VRK3: variants seen among roughly 807,000 people sequenced by gnomAD.
VRK3 encodes the protein serine/threonine-protein kinase VRK3.
VRK3 carries 50 observed loss-of-function variants against 60.4 expected under a neutral mutation model. That is an observed-to-expected ratio of 0.83 (90% CI 0.66 to 1.05). The LOEUF (loss-of-function observed/expected upper bound fraction) is 1.05. Among genes scored for constraint, VRK3 ranks in the 50% least tolerant of loss-of-function variants. VRK3 has a pLI of 0.00. For missense variants in VRK3, 549 were observed against 585.3 expected, an observed-to-expected ratio of 0.94 and a Z score of 0.64; for synonymous variants, 246 against 227.8, an observed-to-expected ratio of 1.08 and a Z score of -0.72.
chr19:49,991,563 G>C (rs755026152), intron 10 of VRK3, among the ~76,000 whole-genome samples: 50 of 149,104 alleles, frequency 3.4e-4, no homozygotes, highest in Non-Finnish European at 5.6e-4. Context: ...TGCCAGTTCT[G>C]TTTCTCTGAA....
rs1272245393 is a variant in VRK3, at chr19:49,979,253, G to A, written c.1277-11C>T. 14 of 1,613,930 alleles carry A rather than the reference G, an allele frequency of 8.7e-6. No individual in the cohort carries two copies. Among genetic ancestry groups the A allele is most frequent in the Admixed American group, 1.7e-5 (1 of 59,998 alleles). Reference sequence around the variant, plus strand: ...ACTTCTGCAGGGTCTCTGTGGTCAAGACAACCCCCAGCAAGGGAGAGCCTG... The same window carrying A: ...ACTTCTGCAGGGTCTCTGTGGTCAAAACAACCCCCAGCAAGGGAGAGCCTG... On this transcript the variant is annotated splice_polypyrimidine_tract_variant and intron_variant, in intron 13 of 14. Transcript: ENST00000316763.
At chr19:49,990,470 T>C (rs2076591625) in intron 10 of VRK3, among the ~76,000 whole-genome samples, 1 of 152,146 alleles carries the variant, frequency 6.6e-6, no homozygotes, top group Non-Finnish European at 1.5e-5. Flanking sequence ...CACTGCAGCC[T>C]CCTAGGCTCC....
intron 7 of VRK3, 50 bp from the exon 8 acceptor site, chr19:49,995,325 T>C (rs1202693941): frequency 2.7e-5 from 42 of 1,554,222 alleles, no homozygotes; most frequent in Non-Finnish European, 3.7e-5. Context: ...CCCAAGCCCA[T>C]GGCAGTAAGA....
chr19:50,021,960 G>A lies in VRK3; in HGVS notation c.-64-1313C>T, dbSNP rs528732616. Among the ~76,000 whole-genome samples, 5 of 152,144 alleles carry A rather than the reference G, an allele frequency of 3.3e-5. 1 individual carries two copies. In the South Asian group the frequency reaches 1.0e-3, roughly 32 times the overall value. ...CTCAGAGAGCAAATGACTTGCCCAG[G>A]GCCACAAACCTCTTAAGCGGCGAGC... On this transcript the variant is annotated intron_variant, in intron 1 of 14. Coordinates refer to ENST00000316763, the MANE Select transcript of VRK3 (RefSeq NM_016440.4).
intron 14 of VRK3, among the ~76,000 whole-genome samples, chr19:49,977,172 G>A (rs762113703): frequency 5.3e-5 from 8 of 152,192 alleles, no homozygotes; most frequent in South Asian, 4.2e-4. Context: ...CAAAGGTTCC[G>A]GGGTGGGGTC....
chr19:49,996,181 A>G (rs1320809388), intron 7 of VRK3, among the ~76,000 whole-genome samples: 1 of 151,310 alleles, frequency 6.6e-6, no homozygotes, highest in Non-Finnish European at 1.5e-5. Flanking sequence ...CGGCCTCCCA[A>G]AGTGCTGAGA....
At chr19:50,015,869 C>T (rs1181161406) in intron 3 of VRK3, 155 bp downstream of exon 3, 1 of 937,834 alleles carries the variant, frequency 1.1e-6, no homozygotes, top group African/African-American at 1.7e-5. Context: ...GGCCAAGAGA[C>T]TGATGGTAGA....
chr19:50,018,842 T>C (rs2077116902), intron 2 of VRK3, among the ~76,000 whole-genome samples: 1 of 151,958 alleles, frequency 6.6e-6, no homozygotes, highest in African/African-American at 2.4e-5. Flanking sequence ...AATAAATATA[T>C]ACACCTACTA....
chr19:50,000,667 T>G, intron 6 of VRK3, 123 bp downstream of exon 6: 1 of 1,169,520 alleles, frequency 8.6e-7, no homozygotes, highest in Non-Finnish European at 1.2e-6. Flanking sequence ...TTAATACTCC[T>G]TGCAGGTGGG....
At chr19:50,007,947 T>C (rs552794165) in intron 4 of VRK3, 121 bp from the exon 5 acceptor site, 5 of 1,395,636 alleles carry the variant, frequency 3.6e-6, no homozygotes, top group Admixed American at 2.3e-5. Flanking sequence ...AAACATTTCC[T>C]GGGACCTTCT....
chr19:50,019,715 C>CTTTTTTTTTTTT, intron 2 of VRK3, among the ~76,000 whole-genome samples: 278 of 50,328 alleles, frequency 5.5e-3, no homozygotes, highest in Non-Finnish European at 6.7e-3. Context: ...TTTTTTTTTA[C>CTTTTTTTTTTTT]TTTTTGTAGA....
At chr19:49,990,783 A>AT (rs554117457) in intron 10 of VRK3, among the ~76,000 whole-genome samples, 82 of 146,904 alleles carry the variant, frequency 5.6e-4, no homozygotes, top group African/African-American at 1.1e-3. Context: ...TAAAAAAATA[A>AT]TTTTTTTTTT....
At chr19:49,977,850 C>T (rs958633975) in intron 14 of VRK3, among the ~76,000 whole-genome samples, 4 of 152,154 alleles carry the variant, frequency 2.6e-5, no homozygotes, top group African/African-American at 4.8e-5. Flanking sequence ...GAGCCTGCTA[C>T]TCCACCACGG....
At chr19:50,012,214 A>C (rs2077006617) in intron 3 of VRK3, among the ~76,000 whole-genome samples, 2 of 152,036 alleles carry the variant, frequency 1.3e-5, no homozygotes, top group East Asian at 1.9e-4. Context: ...TCAGGTGATC[A>C]GGCTGCCTCA....
chr19:50,003,617 CAG>C (rs1035070320), intron 5 of VRK3, among the ~76,000 whole-genome samples: 1 of 152,236 alleles, frequency 6.6e-6, no homozygotes, highest in Non-Finnish European at 1.5e-5. Context: ...GAGCATGGCG[CAG>C]AGAGTGGGGT....
At chr19:50,006,293 G>A (rs1234106253) in intron 5 of VRK3, among the ~76,000 whole-genome samples, 42 of 150,908 alleles carry the variant, frequency 2.8e-4, no homozygotes, top group Admixed American at 2.8e-3. Flanking sequence ...CTGGGTGACA[G>A]AGCAAGACTC....
At chr19:49,985,744 CAG>C (rs2076503354) in intron 12 of VRK3, among the ~76,000 whole-genome samples, 1 of 152,190 alleles carries the variant, frequency 6.6e-6, no homozygotes. Context: ...GGGCCTAGAA[CAG>C]AGTCTAGCAC....
At chr19:50,001,105 T>TGGGACCCTGGATTCCGGGAG in intron 5 of VRK3, 1 of 420,330 alleles carries the variant, frequency 2.4e-6, no homozygotes, top group Non-Finnish European at 4.3e-6. Flanking sequence ...TGGCAAGGTC[T>TGGGACCCTGGATTCCGGGAG]GGGACCCTGG....
chr19:50,013,884 G>A (rs1439358455), intron 3 of VRK3, among the ~76,000 whole-genome samples: 1 of 152,200 alleles, frequency 6.6e-6, no homozygotes, highest in African/African-American at 2.4e-5. Flanking sequence ...AGCAAGGAAG[G>A]GGGACAGGAT....
Sources: gnomAD v4.1 joint callset for allele counts (sites outside exome capture counted in the v4.1 genomes callset) on GRCh38, gnomAD v4.1.1 for gene constraint, MANE v1.5 for transcripts, NCBI Gene and HGNC (gene_info 2026-07-23, HGNC 2026-07-21) for gene names.